GTF2F2: variants seen among roughly 807,000 people sequenced by gnomAD.
The protein encoded by GTF2F2 is general transcription factor IIF subunit 2, also known as ATP-dependent helicase GTF2F2.
In GTF2F2, 23 loss-of-function variants were observed where a neutral mutation model predicts 42.2. That is an observed-to-expected ratio of 0.55 (90% confidence interval 0.39 to 0.77). The LOEUF is 0.77. Ranked by LOEUF, GTF2F2 falls within the 30% of genes least tolerant of loss-of-function variation. The pLI is 0.00. For synonymous variants in GTF2F2, 105 were observed against 100.8 expected, an observed-to-expected ratio of 1.04 and a Z score of -0.25; for missense variants, 261 against 287.2, an observed-to-expected ratio of 0.91 and a Z score of 0.66.
At chr13:45,233,523 G>A (rs1461110224) in intron 5 of GTF2F2, among the ~76,000 whole-genome samples, 1 of 152,206 alleles carries the variant, frequency 6.6e-6, no homozygotes, top group East Asian at 1.9e-4. Flanking sequence ...ACTGTAGACT[G>A]TTCCATGGAC....
intron 1 of GTF2F2, among the ~76,000 whole-genome samples, chr13:45,127,050 T>G (rs1869045045): frequency 6.6e-6 from 1 of 152,222 alleles, no homozygotes; most frequent in East Asian, 1.9e-4. Context: ...ATACTGTCAT[T>G]TTTTTCTTCC....
chr13:45,191,320 G>A (rs944723631), intron 4 of GTF2F2, among the ~76,000 whole-genome samples: 2 of 146,142 alleles, frequency 1.4e-5, no homozygotes, highest in Non-Finnish European at 3.0e-5. Context: ...AAATATAAGA[G>A]AATATATGTT....
Position 45,187,437 on chromosome 13 carries a change from TTA to T in GTF2F2, c.305-19983_305-19982del, listed in dbSNP as rs536543603. On this transcript the variant is annotated intron_variant, in intron 4 of 7. Transcript: ENST00000340473. ...TTAAATATAGGTCATTTATAACAAC[TTA>T]TATGTGTTCATGATTTTTGTTTGCT... 2.2e-3 allele frequency among the ~76,000 whole-genome samples: 331 copies of T among 152,336 alleles called. 3 individuals carry two copies. Among genetic ancestry groups the T allele is most frequent in the African/African-American group, 7.6e-3 (315 of 41,586 alleles).
At position 45,154,793 on chromosome 13, in the gene GTF2F2, G is replaced by A. The variant is rs557888396; in HGVS notation, c.304+2962G>A. Among the ~76,000 whole-genome samples, 126 of 152,172 alleles carry A rather than the reference G, an allele frequency of 8.3e-4. No individual in the cohort carries two copies. The Middle Eastern group carries it at 0.014, about 16-fold the overall frequency. ...TTACACCTTATTTTTAAACACTTTAGGTTTTAAGTTTATTTTAAGGCAAGT... is the reference window on the plus strand; with the variant it reads ...TTACACCTTATTTTTAAACACTTTAAGTTTTAAGTTTATTTTAAGGCAAGT... On this transcript the variant is annotated intron_variant, in intron 4 of 7. Coordinates refer to ENST00000340473, the MANE Select transcript of GTF2F2 (RefSeq NM_004128.3).
intron 7 of GTF2F2, among the ~76,000 whole-genome samples, chr13:45,279,519 C>G (rs2138278952): frequency 6.6e-6 from 1 of 152,310 alleles, no homozygotes; most frequent in African/African-American, 2.4e-5. Context: ...CACCACCACC[C>G]AGCAGTCCTC....
At chr13:45,191,224 A>AATAT (rs1165963910) in intron 4 of GTF2F2, among the ~76,000 whole-genome samples, 1,890 of 75,240 alleles carry the variant, frequency 0.025, 59 homozygotes, top group South Asian at 0.029. Context: ...ACAAAAAAAA[A>AATAT]ATATATATAT....
At chr13:45,185,327 A>G (rs1268824485) in intron 4 of GTF2F2, among the ~76,000 whole-genome samples, 1 of 152,154 alleles carries the variant, frequency 6.6e-6, no homozygotes, top group Non-Finnish European at 1.5e-5. Context: ...ATGTATTTTA[A>G]TATAGCCTGC....
At chr13:45,256,451 A>G (rs976508030) in intron 6 of GTF2F2, among the ~76,000 whole-genome samples, 3 of 152,152 alleles carry the variant, frequency 2.0e-5, no homozygotes, top group African/African-American at 4.8e-5. Flanking sequence ...ATTAAGTGAC[A>G]TTTTAGTTCA....
intron 5 of GTF2F2, among the ~76,000 whole-genome samples, chr13:45,212,199 A>T (rs988971039): frequency 4.6e-5 from 7 of 152,228 alleles, no homozygotes; most frequent in Admixed American, 1.3e-4. Context: ...TTTCATAAAC[A>T]TGCTCACAAT....
In GTF2F2 at chr13:45,252,962, C is replaced by T; in HGVS notation, c.478C>T (p.Gln160Ter). Residue 160 changes from glutamine (Q) to a stop codon, truncating the protein, a stop_gained, in exon 6 of 8, where the codon CAA (glutamine) becomes TAA (stop). Coordinates refer to ENST00000340473, the MANE Select transcript of GTF2F2 (RefSeq NM_004128.3). LOFTEE classifies it high-confidence loss of function. Reference protein sequence around the residue: ...TTNYKPVANHQYNIEYERKKK... With the variant: ...TTNYKPVANH ...CAATTACAAACCTGTTGCTAATCAT[C>T]AATACAATGTAAGTCTTCTGCTTGT... 7.5e-7 allele frequency: 1 copy of T among 1,329,102 alleles called. No individual in the cohort carries two copies. The highest frequency in any genetic ancestry group is 1.0e-6 in the Non-Finnish European group (1 of 974,480). The allele number at this position is 1,329,102 out of a possible 1,614,324, so 82.3% of individuals were successfully genotyped here.
At chr13:45,138,749 G>A (rs1869764753) in intron 2 of GTF2F2, among the ~76,000 whole-genome samples, 1 of 152,160 alleles carries the variant, frequency 6.6e-6, no homozygotes, top group Admixed American at 6.5e-5. Flanking sequence ...GGGTTCAAGC[G>A]ATTCTCCTGC....
intron 5 of GTF2F2, among the ~76,000 whole-genome samples, chr13:45,221,080 G>A (rs537723035): frequency 6.6e-6 from 1 of 152,096 alleles, no homozygotes; most frequent in East Asian, 1.9e-4. Flanking sequence ...CCCCTTCAGA[G>A]CTCTACTTGG....
At chr13:45,187,200 G>C (rs1872463043) in intron 4 of GTF2F2, among the ~76,000 whole-genome samples, 1 of 151,734 alleles carries the variant, frequency 6.6e-6, no homozygotes, top group Admixed American at 6.6e-5. Context: ...GACCAGCCTG[G>C]GCAACAAAGT....
chr13:45,273,231 C>T (rs1876878638), intron 7 of GTF2F2, among the ~76,000 whole-genome samples: 2 of 151,748 alleles, frequency 1.3e-5, no homozygotes, highest in Admixed American at 6.6e-5. Flanking sequence ...CAGCCCACAC[C>T]TGGCTAATTT....
At chr13:45,258,885 C>T (rs978892329) in intron 6 of GTF2F2, among the ~76,000 whole-genome samples, 1 of 152,254 alleles carries the variant, frequency 6.6e-6, no homozygotes, top group African/African-American at 2.4e-5. Flanking sequence ...TCAGCTGATG[C>T]GTAAGGTTCT....
chr13:45,149,676 T>C (rs1002253784), intron 2 of GTF2F2, 94 bp from the exon 3 acceptor site: 14 of 1,204,566 alleles, frequency 1.2e-5, no homozygotes, highest in African/African-American at 6.6e-5. Flanking sequence ...TAATATTTTA[T>C]GTAAATATGA....
intron 5 of GTF2F2, among the ~76,000 whole-genome samples, chr13:45,243,092 C>T (rs890144475): frequency 6.6e-6 from 1 of 152,130 alleles, no homozygotes; most frequent in African/African-American, 2.4e-5. Flanking sequence ...AGTTGTTTCT[C>T]GGTATCCCCA....
intron 1 of GTF2F2, among the ~76,000 whole-genome samples, chr13:45,129,916 G>A (rs997377574): frequency 3.9e-5 from 6 of 152,246 alleles, no homozygotes; most frequent in East Asian, 3.8e-4. Flanking sequence ...AAGCAGGGAC[G>A]TAAAGAATTT....
chr13:45,127,413 C>T (rs1869072962), intron 1 of GTF2F2, among the ~76,000 whole-genome samples: 1 of 151,970 alleles, frequency 6.6e-6, no homozygotes, highest in African/African-American at 2.4e-5. Context: ...GCAACCTCTG[C>T]CTCCTGGGCT....
Sources: allele counts gnomAD v4.1 joint callset (sites outside exome capture counted in the v4.1 genomes callset), GRCh38; gene constraint gnomAD v4.1.1; transcripts MANE v1.5; gene names NCBI Gene and HGNC (gene_info 2026-07-23, HGNC 2026-07-21).